Variants in DLG2 observed in about 807,000 individuals in gnomAD.
DLG2 encodes the protein disks large homolog 2.
In DLG2, 45 loss-of-function variants were observed where a neutral mutation model predicts 132.5. That is an observed-to-expected ratio of 0.34 (90% CI 0.27 to 0.44). The LOEUF is 0.44. Among genes scored for constraint, DLG2 ranks in the 20% least tolerant of loss-of-function variants. The pLI is 1.00. For synonymous variants in DLG2, 424 were observed against 419.6 expected, an observed-to-expected ratio of 1.01 and a Z score of -0.13; for missense variants, 1,045 against 1,196.9, an observed-to-expected ratio of 0.87 and a Z score of 1.87.
At chr11:85,519,649 G>C (rs1265933966) in intron 3 of DLG2, among the ~76,000 whole-genome samples, 1 of 152,166 alleles carries the variant, frequency 6.6e-6, no homozygotes, top group Admixed American at 6.5e-5. Flanking sequence ...GGAACTGTTG[G>C]GAAGGCATGA....
intron 18 of DLG2, among the ~76,000 whole-genome samples, chr11:83,637,310 T>A (rs2065107772): frequency 6.6e-6 from 1 of 152,186 alleles, no homozygotes; most frequent in Non-Finnish European, 1.5e-5. Flanking sequence ...CTGTCTTGAT[T>A]CCAAGCCTCA....
rs554062308 is a variant in DLG2, at chr11:85,101,635, T to C, written c.357+10026A>G. Among the ~76,000 whole-genome samples, 53 of 152,226 alleles carry C rather than the reference T, an allele frequency of 3.5e-4. 2 individuals are homozygous for C. In the South Asian group the frequency reaches 0.011, roughly 31 times the overall value. ...AAACTATGATTCCATCCCATTATGG[T>C]ATTTTGTACTCCTAATAGCTTACAA... is the stretch of plus-strand genomic sequence containing the variant. On this transcript the variant is annotated intron_variant, in intron 6 of 27. Transcript: ENST00000376104.
intron 6 of DLG2, among the ~76,000 whole-genome samples, chr11:84,778,977 A>C (rs748729854): frequency 2.0e-5 from 3 of 152,104 alleles, no homozygotes; most frequent in Non-Finnish European, 4.4e-5. Context: ...GGACTCTTGA[A>C]CCTACGCCAG....
chr11:83,863,913 T>C (rs1257086736), intron 16 of DLG2, among the ~76,000 whole-genome samples: 1 of 152,158 alleles, frequency 6.6e-6, no homozygotes, highest in Non-Finnish European at 1.5e-5. Flanking sequence ...GAAGGGATGC[T>C]CACACATTTT....
In DLG2 at chr11:83,942,698, AC is replaced by A. The variant is rs1292061250; in HGVS notation, c.1341-12216del. On this transcript the variant is annotated intron_variant, in intron 14 of 27. Coordinates refer to ENST00000376104, the MANE Select transcript of DLG2 (RefSeq NM_001142699.3). ...TTCTCTGAATGGCGGGATTATGGGT[AC>A]TTTTGATTTCCTTAAATTTTTTTTT... 2.0e-5 allele frequency among the ~76,000 whole-genome samples: 3 copies of A among 152,228 alleles called. No individual in the cohort carries two copies. In the East Asian group the frequency reaches 5.8e-4, roughly 29 times the overall value.
At chr11:85,146,944 G>C (rs893716584) in intron 5 of DLG2, among the ~76,000 whole-genome samples, 2 of 152,202 alleles carry the variant, frequency 1.3e-5, no homozygotes, top group Non-Finnish European at 2.9e-5. Flanking sequence ...TAGTCTAAAT[G>C]CTTCATCTGT....
At chr11:85,217,318 T>TACA (rs2082684962) in intron 4 of DLG2, among the ~76,000 whole-genome samples, 1 of 143,930 alleles carries the variant, frequency 6.9e-6, no homozygotes, top group Non-Finnish European at 1.5e-5. Context: ...TCTCTCTCTC[T>TACA]CACACACACA....
intron 4 of DLG2, among the ~76,000 whole-genome samples, chr11:85,268,939 T>C (rs1327688409): frequency 2.0e-5 from 3 of 152,224 alleles, no homozygotes; most frequent in Non-Finnish European, 4.4e-5. Flanking sequence ...AGGAAGTATA[T>C]GCTGCTATTT....
At chr11:85,246,060 C>T (rs1007431932) in intron 4 of DLG2, among the ~76,000 whole-genome samples, 6 of 151,966 alleles carry the variant, frequency 3.9e-5, no homozygotes, top group African/African-American at 1.4e-4. Flanking sequence ...TCTTCTAACA[C>T]ATTTATATTA....
At chr11:84,392,725 T>C (rs1201014983) in intron 7 of DLG2, among the ~76,000 whole-genome samples, 1 of 152,190 alleles carries the variant, frequency 6.6e-6, no homozygotes, top group Non-Finnish European at 1.5e-5. Flanking sequence ...TAAAATATCT[T>C]AGGTAAAACA....
intron 7 of DLG2, among the ~76,000 whole-genome samples, chr11:84,348,188 G>C (rs1475318661): frequency 2.0e-5 from 3 of 151,702 alleles, no homozygotes; most frequent in Admixed American, 6.6e-5. Flanking sequence ...CTGTACCTAA[G>C]GTAAATAATT....
intron 6 of DLG2, among the ~76,000 whole-genome samples, chr11:85,101,694 G>T (rs772462608): frequency 6.6e-6 from 1 of 151,928 alleles, no homozygotes; most frequent in African/African-American, 2.4e-5. Context: ...TAGTAGCTTT[G>T]TACAAACCTG....
At chr11:83,874,367 G>T in intron 16 of DLG2, 53 bp downstream of exon 16, 1 of 1,267,630 alleles carries the variant, frequency 7.9e-7, no homozygotes, top group Non-Finnish European at 1.1e-6. Context: ...GAGAAAGGAA[G>T]ACTTCATATT....
chr11:84,864,503 A>G (rs916745021), intron 6 of DLG2, among the ~76,000 whole-genome samples: 2 of 151,960 alleles, frequency 1.3e-5, no homozygotes, highest in African/African-American at 2.4e-5. Flanking sequence ...TTTCTTTACT[A>G]TCTCCTTCCC....
At chr11:85,057,477 G>A (rs1374905590) in intron 6 of DLG2, among the ~76,000 whole-genome samples, 2 of 151,456 alleles carry the variant, frequency 1.3e-5, no homozygotes, top group Non-Finnish European at 3.0e-5. Context: ...CAATACAAGA[G>A]TAAATTTTCT....
intron 17 of DLG2, among the ~76,000 whole-genome samples, chr11:83,800,615 C>T (rs942727623): frequency 6.6e-6 from 1 of 152,132 alleles, no homozygotes; most frequent in Non-Finnish European, 1.5e-5. Context: ...AGCAGTTAAA[C>T]ATTAACTTCC....
At chr11:85,191,829 C>T (rs1310173064) in intron 4 of DLG2, among the ~76,000 whole-genome samples, 1 of 152,122 alleles carries the variant, frequency 6.6e-6, no homozygotes, top group Non-Finnish European at 1.5e-5. Flanking sequence ...CTACTAAGAG[C>T]TTTACATACA....
intron 6 of DLG2, among the ~76,000 whole-genome samples, chr11:84,711,007 T>G (rs1266496331): frequency 4.4e-5 from 3 of 68,218 alleles, no homozygotes; most frequent in Admixed American, 3.9e-4. Flanking sequence ...CATATATATA[T>G]AGATATATAT....
At chr11:84,956,843 T>C (rs1235051911) in intron 6 of DLG2, among the ~76,000 whole-genome samples, 3 of 152,190 alleles carry the variant, frequency 2.0e-5, no homozygotes, top group African/African-American at 4.8e-5. Context: ...ATAATTAAAC[T>C]TCAGAAGAGT....
Sources: gnomAD v4.1 joint callset for allele counts (sites outside exome capture counted in the v4.1 genomes callset) on GRCh38, gnomAD v4.1.1 for gene constraint, MANE v1.5 for transcripts, NCBI Gene and HGNC (gene_info 2026-07-23, HGNC 2026-07-21) for gene names.